CCDC6: variants seen among roughly 807,000 people sequenced by gnomAD.
CCDC6 encodes coiled-coil domain containing 6.
A neutral mutation model predicts 56.6 loss-of-function variants in CCDC6; 20 were observed. The observed-to-expected ratio is 0.35, with a 90% CI of 0.25 to 0.51. CCDC6 has a LOEUF of 0.51. Ranked by LOEUF, CCDC6 falls within the 20% of genes least tolerant of loss-of-function variation. The pLI is 0.95. For missense variants in CCDC6, 367 were observed against 601.1 expected (o/e 0.61, Z 4.07); for synonymous variants, 241 against 234.4 (o/e 1.03, Z -0.26).
intron 1 of CCDC6, among the ~76,000 whole-genome samples, chr10:59,859,205 T>C (rs796342054): frequency 7.4e-5 from 10 of 134,372 alleles, no homozygotes; most frequent in African/African-American, 2.3e-4. Context: ...TGTGCGTGTG[T>C]GTGTGTGTGT....
At chr10:59,799,248 C>T (rs893403254) in intron 7 of CCDC6, among the ~76,000 whole-genome samples, 4 of 151,768 alleles carry the variant, frequency 2.6e-5, no homozygotes, top group East Asian at 1.9e-4. Context: ...CTGGTCAACA[C>T]GGTGAAACCT....
chr10:59,845,349 T>G (rs1156393596), intron 2 of CCDC6, among the ~76,000 whole-genome samples: 1 of 57,206 alleles, frequency 1.7e-5, no homozygotes, highest in South Asian at 6.6e-4. Context: ...CCTATGGGTT[T>G]TTTTTTTTTT....
chr10:59,872,300 G>C (rs2071236397), intron 1 of CCDC6, among the ~76,000 whole-genome samples: 1 of 152,190 alleles, frequency 6.6e-6, no homozygotes, highest in African/African-American at 2.4e-5. Context: ...GGCTGTGCTA[G>C]CTGGATGTTT....
chr10:59,883,027 G>GAA lies in CCDC6; in HGVS notation c.303+23093_303+23094dup, dbSNP rs76814920. 2.7e-4 allele frequency among the ~76,000 whole-genome samples: 41 copies of GAA among 150,036 alleles called. 1 individual carries two copies. In the South Asian group the frequency reaches 3.6e-3, roughly 13 times the overall value. ...TTTACCGTATTGATCGACTTTAACTGAAAAAAAAAGGTTTAATTCAGTAGG... is the reference window on the plus strand; with the variant it reads ...TTTACCGTATTGATCGACTTTAACTGAAAAAAAAAAAGGTTTAATTCAGTAGG... On this transcript the variant is annotated intron_variant, in intron 1 of 8. Transcript: ENST00000263102.
At chr10:59,896,694 G>A (rs1359173804) in intron 1 of CCDC6, among the ~76,000 whole-genome samples, 2 of 152,132 alleles carry the variant, frequency 1.3e-5, no homozygotes, top group Non-Finnish European at 2.9e-5. Flanking sequence ...GGGTGTTATT[G>A]TTTAATGGGT....
intron 1 of CCDC6, among the ~76,000 whole-genome samples, chr10:59,864,729 G>A (rs2132664152): frequency 6.6e-6 from 1 of 152,252 alleles, no homozygotes; most frequent in African/African-American, 2.4e-5. Context: ...CATTCAGGGG[G>A]AGGTTCAGCT....
At chr10:59,867,363 T>G (rs1029657829) in intron 1 of CCDC6, among the ~76,000 whole-genome samples, 1 of 152,182 alleles carries the variant, frequency 6.6e-6, no homozygotes, top group African/African-American at 2.4e-5. Context: ...CCTCCCTTTT[T>G]GAATTCAGGA....
chr10:59,796,190 C>T (rs927023309), intron 7 of CCDC6, among the ~76,000 whole-genome samples: 3 of 152,128 alleles, frequency 2.0e-5, no homozygotes, highest in African/African-American at 7.2e-5. Context: ...AAGATGGTAT[C>T]TCACTGTGGT....
chr10:59,898,394 T>A (rs778484147), intron 1 of CCDC6, among the ~76,000 whole-genome samples: 2 of 152,256 alleles, frequency 1.3e-5, no homozygotes, highest in Non-Finnish European at 2.9e-5. Context: ...CTAATTAAAC[T>A]GTGAATGAAT....
chr10:59,851,471 T>G (rs1483678574), intron 2 of CCDC6, among the ~76,000 whole-genome samples: 2 of 152,160 alleles, frequency 1.3e-5, no homozygotes, highest in African/African-American at 4.8e-5. Flanking sequence ...ATTAACAGTG[T>G]CTTTATTCAG....
intron 1 of CCDC6, among the ~76,000 whole-genome samples, chr10:59,882,381 CGCGGGGAGAAGGAAAGGAAAGCCAG>C (rs1380743153): frequency 8.7e-4 from 8 of 9,174 alleles, no homozygotes; most frequent in African/African-American, 3.1e-3. Context: ...AAAGGAAAGC[CGCGGGGAGAAGGAAAGGAAAGCCAG>C]GGGGAGAAGG....
chr10:59,801,905 C>T (rs1486601270), intron 7 of CCDC6, among the ~76,000 whole-genome samples: 1 of 152,198 alleles, frequency 6.6e-6, no homozygotes, highest in African/African-American at 2.4e-5. Flanking sequence ...CAAGTTATCT[C>T]ACCCAGCTCA....
intron 3 of CCDC6, among the ~76,000 whole-genome samples, chr10:59,825,754 C>G (rs747097945): frequency 1.3e-5 from 2 of 152,206 alleles, no homozygotes; most frequent in Non-Finnish European, 2.9e-5. Flanking sequence ...GAAAGGCCAT[C>G]TTGTATCCTT....
chr10:59,796,556 C>G lies in CCDC6; in HGVS notation c.1106-1959G>C, dbSNP rs529250260. Reference sequence around the variant, plus strand: ...ATGAAAATGCCTCAAAAGATTAAAACTAGAAGTACCACATGATCTAGCAAT... The same window carrying G: ...ATGAAAATGCCTCAAAAGATTAAAAGTAGAAGTACCACATGATCTAGCAAT... On this transcript the variant is annotated intron_variant, in intron 7 of 8. Transcript: ENST00000263102. Among the ~76,000 whole-genome samples the G allele has an allele frequency of 1.4e-4, 21 of 152,308 alleles. No homozygotes were observed. The South Asian group carries it at 1.4e-3, about 11-fold the overall frequency.
Position 59,904,602 on chromosome 10 carries a change from C to T in CCDC6, c.303+1520G>A, listed in dbSNP as rs552636600. 2.6e-5 allele frequency among the ~76,000 whole-genome samples: 4 copies of T among 152,328 alleles called. No homozygotes were observed. The South Asian group carries it at 8.3e-4, about 32-fold the overall frequency. On this transcript the variant is annotated intron_variant, in intron 1 of 8. Transcript: ENST00000263102. ...AAGACATCTCTGTCAGCGAAGAAAG[C>T]TGCATAGGAGGCTTGGAAGTGGCTG...
Position 59,792,910 on chromosome 10 carries a change from T to C in CCDC6, c.*7A>G. The C allele has an allele frequency of 1.9e-6, 3 of 1,610,470 alleles. No individual in the cohort carries two copies. Among genetic ancestry groups the C allele is most frequent in the Non-Finnish European group, 2.5e-6 (3 of 1,177,820 alleles). ...TCCCAACTTGAAATTCAGACTAAGC[T>C]CATGCATTAAGGCTGGGAGGAGGGG... On this transcript the variant is annotated 3_prime_UTR_variant, in exon 9 of 9. Transcript: ENST00000263102.
intron 2 of CCDC6, among the ~76,000 whole-genome samples, chr10:59,840,651 T>C (rs535949616): frequency 1.3e-5 from 2 of 152,352 alleles, no homozygotes; most frequent in South Asian, 2.1e-4. Context: ...GACATTGCAA[T>C]TGAACTTCTG....
In CCDC6 at chr10:59,875,563, T is replaced by C. The variant is rs187713477; in HGVS notation, c.304-22861A>G. 1.1e-4 allele frequency among the ~76,000 whole-genome samples: 17 copies of C among 152,342 alleles called. No homozygotes were observed. In the East Asian group the frequency reaches 3.3e-3, roughly 29 times the overall value. ...TGGCACCTCAAGCACTAGCAGTTCA[T>C]CTTAAAGTTGCTGATCTGTTGAAAA... On this transcript the variant is annotated intron_variant, in intron 1 of 8. Coordinates refer to ENST00000263102, the MANE Select transcript of CCDC6 (RefSeq NM_005436.5).
At chr10:59,889,723 C>T (rs1357864085) in intron 1 of CCDC6, among the ~76,000 whole-genome samples, 3 of 152,186 alleles carry the variant, frequency 2.0e-5, no homozygotes, top group African/African-American at 7.2e-5. Flanking sequence ...GAAGGGAGAA[C>T]TCAGAGTATT....
Sources: allele counts gnomAD v4.1 joint callset (sites outside exome capture counted in the v4.1 genomes callset), GRCh38; gene constraint gnomAD v4.1.1; transcripts MANE v1.5; gene names NCBI Gene and HGNC (gene_info 2026-07-23, HGNC 2026-07-21).